The following CPPED1 variants were observed in gnomAD, a reference collection of about 807,000 sequenced individuals.
The protein encoded by CPPED1 is calcineurin like phosphoesterase domain containing 1, also known as serine/threonine-protein phosphatase CPPED1.
CPPED1 carries 28 observed loss-of-function variants against 28.0 expected under a neutral mutation model. That is an observed-to-expected ratio of 1.00 (90% CI 0.74 to 1.37). The LOEUF (loss-of-function observed/expected upper bound fraction) is 1.37. CPPED1 is among the 40% of genes most tolerant of loss of function. The probability of loss-of-function intolerance (pLI) is 0.00; values close to 1 mark genes in which losing one functional copy is unlikely to be tolerated. For synonymous variants in CPPED1, 198 were observed against 180.2 expected (o/e 1.10, Z -0.79); for missense variants, 504 against 416.5 (o/e 1.21, Z -1.83).
At chr16:12,677,614 T>C (rs757650026) in intron 3 of CPPED1, among the ~76,000 whole-genome samples, 9 of 152,170 alleles carry the variant, frequency 5.9e-5, no homozygotes, top group Non-Finnish European at 1.0e-4. Context: ...TGCACTCCAG[T>C]TTGGTGGCAG....
intron 2 of CPPED1, among the ~76,000 whole-genome samples, chr16:12,734,514 G>T (rs1352939938): frequency 1.1e-4 from 16 of 152,110 alleles, no homozygotes; most frequent in African/African-American, 3.9e-4. Flanking sequence ...CAAGTAGCTG[G>T]GACTACGGGC....
rs138642396 is a variant in CPPED1, at chr16:12,790,656, C to G, written c.71-9253G>C. On this transcript the variant is annotated intron_variant, in intron 1 of 3. Coordinates refer to ENST00000381774, the MANE Select transcript of CPPED1 (RefSeq NM_018340.3). ...GTCACATTGGCCGGTCGCGGTGGCT[C>G]ACGCCTGTAATCCTAGCACTTTGGG... 1.1e-3 allele frequency among the ~76,000 whole-genome samples: 162 copies of G among 152,202 alleles called. 1 individual carries two copies. Among genetic ancestry groups the G allele is most frequent in the East Asian group, 7.3e-3 (38 of 5,182 alleles).
At chr16:12,684,171 G>C (rs1596444777) in intron 3 of CPPED1, among the ~76,000 whole-genome samples, 1 of 152,150 alleles carries the variant, frequency 6.6e-6, no homozygotes, top group Non-Finnish European at 1.5e-5. Context: ...TGTTAGGAAG[G>C]AACGCAGAGA....
In CPPED1 at chr16:12,697,979, G is replaced by A. The variant is rs184409779; in HGVS notation, c.715+6645C>T. Among the ~76,000 whole-genome samples, 836 of 152,198 alleles carry A rather than the reference G, an allele frequency of 5.5e-3. 4 individuals are homozygous for A. The highest frequency in any genetic ancestry group is 0.034 in the Middle Eastern group (10 of 292). ...ACAAAAATTAGCCAGATGTGGTGGC[G>A]TGTGCCTGTAATCCCAGCTACTTGG... is the stretch of plus-strand genomic sequence containing the variant. On this transcript the variant is annotated intron_variant, in intron 3 of 3. Coordinates refer to ENST00000381774, the MANE Select transcript of CPPED1 (RefSeq NM_018340.3).
In CPPED1 at chr16:12,709,527, T is replaced by C. The variant is rs1403106012; in HGVS notation, c.290-4478A>G. Among the ~76,000 whole-genome samples, 1 of 152,206 alleles carries C rather than the reference T, an allele frequency of 6.6e-6. No homozygotes were observed. Among genetic ancestry groups the C allele is most frequent in the Admixed American group, 6.5e-5 (1 of 15,280 alleles). ...AAATAAAACTAGGAGGTAAAAAGCA[T>C]GATAACGATAATTACAAAATTCTTA... On this transcript the variant is annotated intron_variant, in intron 2 of 3. Transcript: ENST00000381774. This position sits in a 1 kb window ranked among gnomAD's most constrained non-coding sequence, Gnocchi z 4.4.
intron 2 of CPPED1, among the ~76,000 whole-genome samples, chr16:12,706,620 G>C (rs2141188330): frequency 6.6e-6 from 1 of 150,416 alleles, no homozygotes; most frequent in South Asian, 2.1e-4. Context: ...AAAGAAGATT[G>C]AGGAAGCCAG....
intron 2 of CPPED1, among the ~76,000 whole-genome samples, chr16:12,775,002 T>C (rs990257359): frequency 5.9e-5 from 9 of 152,162 alleles, no homozygotes; most frequent in Non-Finnish European, 1.3e-4. Flanking sequence ...CTATTTTTTG[T>C]ATAGACGGGG....
chr16:12,778,666 C>T (rs959580681), intron 2 of CPPED1, among the ~76,000 whole-genome samples: 19 of 152,312 alleles, frequency 1.2e-4, no homozygotes, highest in African/African-American at 4.3e-4. Context: ...GAAGAATGTG[C>T]TAAGTAGTCA....
intron 2 of CPPED1, among the ~76,000 whole-genome samples, chr16:12,705,694 G>T (rs930774772): frequency 3.3e-5 from 5 of 152,204 alleles, no homozygotes; most frequent in Non-Finnish European, 7.3e-5. Flanking sequence ...GGAGGCAGAG[G>T]TTGCAGTAAG....
intron 3 of CPPED1, among the ~76,000 whole-genome samples, chr16:12,667,830 T>G (rs1177159795): frequency 6.6e-6 from 1 of 152,048 alleles, no homozygotes; most frequent in East Asian, 1.9e-4. Context: ...GAGAAGAATT[T>G]GAAGAAATAA....
intron 2 of CPPED1, among the ~76,000 whole-genome samples, chr16:12,706,471 CCTT>C (rs2080051017): frequency 6.7e-6 from 1 of 150,086 alleles, no homozygotes; most frequent in Non-Finnish European, 1.5e-5. Flanking sequence ...TTCCTTCCTT[CCTT>C]CCTTTCCTTT....
intron 2 of CPPED1, among the ~76,000 whole-genome samples, chr16:12,734,683 T>A (rs2080217992): frequency 1.3e-5 from 2 of 152,146 alleles, no homozygotes; most frequent in Non-Finnish European, 2.9e-5. Flanking sequence ...ATTTTCCTCT[T>A]CCCCAAAGGT....
At chr16:12,737,252 T>G (rs1329627253) in intron 2 of CPPED1, among the ~76,000 whole-genome samples, 1 of 152,014 alleles carries the variant, frequency 6.6e-6, no homozygotes, top group East Asian at 1.9e-4. Context: ...AGGTAACATT[T>G]GAGCAACAAC....
chr16:12,772,932 T>G (rs1335979555), intron 2 of CPPED1, among the ~76,000 whole-genome samples: 1 of 152,342 alleles, frequency 6.6e-6, no homozygotes, highest in East Asian at 1.9e-4. Flanking sequence ...TCCAGTAATA[T>G]TTTGTTAGCA....
Position 12,778,277 on chromosome 16 carries a change from C to CTTT in CPPED1, c.289+2905_289+2907dup, listed in dbSNP as rs371883790. 1.8e-3 allele frequency among the ~76,000 whole-genome samples: 209 copies of CTTT among 116,094 alleles called. 2 individuals are homozygous for CTTT. Among genetic ancestry groups the CTTT allele is most frequent in the East Asian group, 7.5e-3 (32 of 4,244 alleles). The allele number at this position is 116,094 out of a possible 152,430, so 76.2% of individuals were successfully genotyped here. On this transcript the variant is annotated intron_variant, in intron 2 of 3. Coordinates refer to ENST00000381774, the MANE Select transcript of CPPED1 (RefSeq NM_018340.3). Reference sequence around the variant, plus strand: ...TCTTTTCTTTTTTCTTTCTTTCTTTCTTTTTTTTTTTTTTTTTGAGATGGA... The same window carrying CTTT: ...TCTTTTCTTTTTTCTTTCTTTCTTTCTTTTTTTTTTTTTTTTTTTTGAGATGGA...
At chr16:12,770,599 G>A (rs2080464284) in intron 2 of CPPED1, among the ~76,000 whole-genome samples, 1 of 152,062 alleles carries the variant, frequency 6.6e-6, no homozygotes, top group South Asian at 2.1e-4. Context: ...AAGATGGGTG[G>A]ATCACCTGAG....
At chr16:12,678,162 A>G (rs1022017120) in intron 3 of CPPED1, among the ~76,000 whole-genome samples, 6 of 152,326 alleles carry the variant, frequency 3.9e-5, no homozygotes, top group African/African-American at 1.2e-4. Flanking sequence ...ACAACAAAGG[A>G]AAGAGTAATT....
chr16:12,740,075 A>G, intron 2 of CPPED1, among the ~76,000 whole-genome samples: 1 of 151,406 alleles, frequency 6.6e-6, no homozygotes, highest in African/African-American at 2.4e-5. Flanking sequence ...AGAAAAAAAG[A>G]AAGGAAAGAA....
chr16:12,798,520 T>C (rs1425480061), intron 1 of CPPED1, among the ~76,000 whole-genome samples: 1 of 152,216 alleles, frequency 6.6e-6, no homozygotes, highest in African/African-American at 2.4e-5. Flanking sequence ...ACTGACACTA[T>C]TCTCTGCCAA....
Sources: allele counts gnomAD v4.1 joint callset (sites outside exome capture counted in the v4.1 genomes callset), GRCh38; gene constraint gnomAD v4.1.1; non-coding constraint Gnocchi (gnomAD v3.1); transcripts MANE v1.5; gene names NCBI Gene and HGNC (gene_info 2026-07-23, HGNC 2026-07-21).